The following GPC5 variants were observed in gnomAD, a reference collection of about 807,000 sequenced individuals.
GPC5 encodes the protein glypican 5, also known as glypican-5.
A neutral mutation model predicts 53.9 loss-of-function variants in GPC5; 47 were observed. The observed-to-expected ratio is 0.87, with a 90% CI of 0.69 to 1.11. GPC5 has a LOEUF of 1.11. Among genes scored for constraint, GPC5 ranks in the 50% most tolerant of loss-of-function variants. The pLI is 0.00. For synonymous variants in GPC5, 286 were observed against 263.3 expected (o/e 1.09, Z -0.84); for missense variants, 748 against 713.1 (o/e 1.05, Z -0.56).
intron 5 of GPC5, among the ~76,000 whole-genome samples, chr13:91,870,213 A>G (rs1031793764): frequency 6.6e-6 from 1 of 152,158 alleles, no homozygotes; most frequent in African/African-American, 2.4e-5. Flanking sequence ...GCCTCTCTAA[A>G]GATGAAGAAC....
At chr13:92,061,735 A>G (rs1197634572) in intron 6 of GPC5, among the ~76,000 whole-genome samples, 1 of 151,992 alleles carries the variant, frequency 6.6e-6, no homozygotes, top group Non-Finnish European at 1.5e-5. Flanking sequence ...GTGTCCATGA[A>G]GATATGTTTG....
At chr13:92,101,319 AT>A (rs893563346) in intron 6 of GPC5, among the ~76,000 whole-genome samples, 1 of 152,094 alleles carries the variant, frequency 6.6e-6, no homozygotes, top group African/African-American at 2.4e-5. Flanking sequence ...ATGATATTTT[AT>A]TTTCCAATGA....
chr13:92,068,868 C>T (rs947855332), intron 6 of GPC5, among the ~76,000 whole-genome samples: 1 of 151,694 alleles, frequency 6.6e-6, no homozygotes, highest in South Asian at 2.1e-4. Flanking sequence ...CAACTCAGTG[C>T]ACAATATAAT....
chr13:91,721,644 C>G (rs1446061372), intron 3 of GPC5, among the ~76,000 whole-genome samples: 4 of 152,168 alleles, frequency 2.6e-5, no homozygotes, highest in African/African-American at 7.2e-5. Flanking sequence ...GCCTCATCCC[C>G]CTAGGCTCCC....
chr13:92,606,707 CTGTT>C lies in GPC5; in HGVS notation c.1562-259569_1562-259566del, dbSNP rs547145670. On this transcript the variant is annotated intron_variant, in intron 7 of 7. Coordinates refer to ENST00000377067, the MANE Select transcript of GPC5 (RefSeq NM_004466.6). ...ACATCCTACATATTTAATACTGCCT[CTGTT>C]TGTTTATTTGAAGGGTGATATTACA... Among the ~76,000 whole-genome samples the C allele has an allele frequency of 2.3e-3, 353 of 152,164 alleles. 3 individuals carry two copies. Among genetic ancestry groups the C allele is most frequent in the African/African-American group, 7.6e-3 (316 of 41,518 alleles).
chr13:91,553,946 A>G (rs1412057031), intron 2 of GPC5, among the ~76,000 whole-genome samples: 4 of 152,026 alleles, frequency 2.6e-5, no homozygotes, highest in Non-Finnish European at 4.4e-5. Flanking sequence ...TCGTTATAGG[A>G]GTTTTTGTTT....
At chr13:92,398,458 A>T in intron 7 of GPC5, among the ~76,000 whole-genome samples, 1 of 147,694 alleles carries the variant, frequency 6.8e-6, no homozygotes, top group African/African-American at 2.5e-5. Context: ...AAATTATTCC[A>T]CTCAATTTGT....
At chr13:92,291,081 G>T (rs549812572) in intron 7 of GPC5, among the ~76,000 whole-genome samples, 2 of 152,100 alleles carry the variant, frequency 1.3e-5, no homozygotes, top group African/African-American at 4.8e-5. Flanking sequence ...CTGCCTTTCC[G>T]CTAGGCAGGG....
intron 1 of GPC5, among the ~76,000 whole-genome samples, chr13:91,421,130 C>T (rs144951906): frequency 3.2e-4 from 49 of 152,278 alleles, no homozygotes; most frequent in Non-Finnish European, 4.6e-4. Flanking sequence ...CATCATCTTC[C>T]GTAGTCACCA....
At chr13:91,571,509 A>G (rs2031778699) in intron 2 of GPC5, among the ~76,000 whole-genome samples, 1 of 151,944 alleles carries the variant, frequency 6.6e-6, no homozygotes, top group Non-Finnish European at 1.5e-5. Flanking sequence ...TATTGTGAGT[A>G]GGTCAGGAGT....
chr13:91,895,638 CTTT>C (rs1277407427), intron 5 of GPC5, among the ~76,000 whole-genome samples: 1 of 143,394 alleles, frequency 7.0e-6, no homozygotes. Flanking sequence ...CTCTTTCTTT[CTTT>C]TTTTTTTTTT....
intron 7 of GPC5, among the ~76,000 whole-genome samples, chr13:92,329,183 A>G (rs576933316): frequency 6.6e-6 from 1 of 152,244 alleles, no homozygotes; most frequent in East Asian, 1.9e-4. Context: ...AGGCTGGGTA[A>G]TTGATAAATA....
chr13:92,421,515 C>T (rs1417266660), intron 7 of GPC5, among the ~76,000 whole-genome samples: 5 of 151,780 alleles, frequency 3.3e-5, no homozygotes, highest in African/African-American at 9.7e-5. Flanking sequence ...CTGGCTAACA[C>T]GGTGAAACCC....
At chr13:91,458,881 A>T (rs577362493) in intron 2 of GPC5, among the ~76,000 whole-genome samples, 1 of 152,282 alleles carries the variant, frequency 6.6e-6, no homozygotes, top group Admixed American at 6.5e-5. Flanking sequence ...ACTCATCTAT[A>T]AAAAGGTACA....
At chr13:91,411,755 A>G (rs1877809926) in intron 1 of GPC5, among the ~76,000 whole-genome samples, 1 of 152,208 alleles carries the variant, frequency 6.6e-6, no homozygotes, top group Admixed American at 6.5e-5. Context: ...CCTGCTCTTT[A>G]TAAAAATTTT....
chr13:92,697,413 C>A (rs1034569798), intron 7 of GPC5, among the ~76,000 whole-genome samples: 1 of 152,154 alleles, frequency 6.6e-6, no homozygotes, highest in African/African-American at 2.4e-5. Flanking sequence ...AGGTACTTCA[C>A]AACCCTTGTA....
At chr13:91,803,696 T>C (rs990463994) in intron 5 of GPC5, among the ~76,000 whole-genome samples, 3 of 152,088 alleles carry the variant, frequency 2.0e-5, no homozygotes, top group South Asian at 2.1e-4. Flanking sequence ...TTTAAATTAA[T>C]TGTTGAATTA....
chr13:92,113,902 G>T (rs1018085463), intron 6 of GPC5, among the ~76,000 whole-genome samples: 1 of 152,084 alleles, frequency 6.6e-6, no homozygotes, highest in Non-Finnish European at 1.5e-5. Flanking sequence ...ATCTTTGAGA[G>T]AACATTTGGT....
intron 4 of GPC5, among the ~76,000 whole-genome samples, chr13:91,736,230 C>T (rs951218942): frequency 9.3e-5 from 14 of 151,120 alleles, no homozygotes; most frequent in Non-Finnish European, 1.6e-4. Flanking sequence ...GATAGTATGG[C>T]AGGAATTGAG....
Sources: gnomAD v4.1 joint callset for allele counts (sites outside exome capture counted in the v4.1 genomes callset) on GRCh38, gnomAD v4.1.1 for gene constraint, MANE v1.5 for transcripts, NCBI Gene and HGNC (gene_info 2026-07-23, HGNC 2026-07-21) for gene names.